The following MYT1 variants were observed in gnomAD, a reference collection of about 807,000 sequenced individuals.
The protein encoded by MYT1 is myelin transcription factor I.
Under a neutral mutation model 123.0 loss-of-function variants are expected in MYT1, and 23 were observed. The ratio of observed to expected loss-of-function variants is 0.19; its 90% CI spans 0.13 to 0.26. The LOEUF (loss-of-function observed/expected upper bound fraction) is 0.26, where lower values mean the gene tolerates loss of function less well. Ranked by LOEUF, MYT1 falls within the 10% of genes least tolerant of loss-of-function variation. MYT1 has a pLI of 1.00. For synonymous variants in MYT1, 518 were observed against 575.3 expected (o/e 0.90, Z 1.43); for missense variants, 1,125 against 1,472.5 (o/e 0.76, Z 3.86).
chr20:64,222,240 G>A (rs1256364515), intron 14 of MYT1, among the ~76,000 whole-genome samples, 193 bp downstream of exon 14: 5 of 152,184 alleles, frequency 3.3e-5, no homozygotes, highest in African/African-American at 9.7e-5. Context: ...TGTTGTGCTG[G>A]GCTTTACTGC....
chr20:64,172,552 T>G (rs1982317654), intron 1 of MYT1, among the ~76,000 whole-genome samples: 1 of 152,060 alleles, frequency 6.6e-6, no homozygotes, highest in Non-Finnish European at 1.5e-5. Context: ...GGCCATTTCC[T>G]TTCTTTTTGG....
Position 64,208,594 on chromosome 20 carries a change from C to T in MYT1, c.1291+107C>T. The stretch of plus-strand genomic sequence containing the variant: ...TCTAGGACAGGGGGCTGGGGGATGG[C>T]AGAAAAGCAGACAAAAGGACAAATA... On this transcript the variant is annotated intron_variant, in intron 7 of 22. Transcript: ENST00000328439. The surrounding 1 kb of genome is among the most constrained non-coding windows in gnomAD (Gnocchi z 5.4). 6.9e-7 allele frequency: 1 copy of T among 1,449,776 alleles called. No individual in the cohort carries two copies. The highest frequency in any genetic ancestry group is 9.1e-7 in the Non-Finnish European group (1 of 1,100,880). The allele number at this position is 1,449,776 out of a possible 1,614,324, so 89.8% of individuals were successfully genotyped here. A position where few individuals can be genotyped will look rare whatever the true frequency, so the allele number is the denominator to read the frequency against.
rs1982976206 is a variant in MYT1 at position 64,191,715 on chromosome 20, T to A, written c.-1+1555T>A. On this transcript the variant is annotated intron_variant, in intron 2 of 22. Coordinates refer to ENST00000328439, the MANE Select transcript of MYT1 (RefSeq NM_004535.3). This position sits in a 1 kb window ranked among gnomAD's most constrained non-coding sequence, Gnocchi z 4.1. ...TGAGCACCTCCGCTCATATTTTGGCTCCCGCAGGATTATCAGTGCTCTGCT... is the reference window on the plus strand; with the variant it reads ...TGAGCACCTCCGCTCATATTTTGGCACCCGCAGGATTATCAGTGCTCTGCT... 1 of 152,182 alleles carries A rather than the reference T, an allele frequency of 6.6e-6. No homozygotes were observed. Among genetic ancestry groups the A allele is most frequent in the African/African-American group, 2.4e-5 (1 of 41,440 alleles). 9.4% of individuals were successfully genotyped at this position (152,182 alleles called of 1,614,324 possible).
chr20:64,199,625 C>T (rs1983232332), intron 3 of MYT1, among the ~76,000 whole-genome samples: 1 of 152,206 alleles, frequency 6.6e-6, no homozygotes, highest in African/African-American at 2.4e-5. Flanking sequence ...ATCTGTCCCA[C>T]TTTGTAAAAC....
chr20:64,229,754 A>T (rs1055251110), intron 18 of MYT1, among the ~76,000 whole-genome samples: 1 of 152,174 alleles, frequency 6.6e-6, no homozygotes, highest in African/African-American at 2.4e-5. Flanking sequence ...CCTTTTTATG[A>T]TATCTCCTGC....
chr20:64,232,060 A>G lies in MYT1; in HGVS notation c.2676-104A>G. 2.5e-6 allele frequency: 3 copies of G among 1,182,132 alleles called. No individual in the cohort carries two copies. The highest frequency in any genetic ancestry group is 3.6e-6 in the Non-Finnish European group (3 of 824,052). 73.2% of individuals were successfully genotyped at this position (1,182,132 alleles called of 1,614,324 possible). ...TCCCTGCCTCACTCAGAAGCCCTTT[A>G]ACGGCTCTGAGTTGGGCTCCCCTTG... On this transcript the variant is annotated intron_variant, in intron 18 of 22. Transcript: ENST00000328439. This position sits in a 1 kb window ranked among gnomAD's most constrained non-coding sequence, Gnocchi z 6.9.
At position 64,182,394 on chromosome 20, in the gene MYT1, T is replaced by C. The variant is rs1420985106; in HGVS notation, c.-98-7669T>C. 4.6e-5 allele frequency among the ~76,000 whole-genome samples: 7 copies of C among 152,246 alleles called. No individual in the cohort carries two copies. The East Asian group carries it at 1.3e-3, about 29-fold the overall frequency. On this transcript the variant is annotated intron_variant, in intron 1 of 22. Transcript: ENST00000328439. Reference sequence around the variant, plus strand: ...CTGCTGGGTTAGCTACCAGGTGGGATTGGCCCTGGCCATCGGCTCAGCTGC... The same window carrying C: ...CTGCTGGGTTAGCTACCAGGTGGGACTGGCCCTGGCCATCGGCTCAGCTGC...
chr20:64,179,819 C>G (rs145150913), intron 1 of MYT1, among the ~76,000 whole-genome samples: 2 of 152,074 alleles, frequency 1.3e-5, no homozygotes, highest in Non-Finnish European at 2.9e-5. Context: ...ATGCTACACA[C>G]AGTTACACAA....
intron 5 of MYT1, 47 bp downstream of exon 5, chr20:64,205,144 G>A (rs768057643): frequency 4.0e-5 from 64 of 1,595,672 alleles, no homozygotes; most frequent in Middle Eastern, 3.3e-4. Context: ...CGGTAGATTT[G>A]GAGCCCCTGC....
chr20:64,171,009 A>C (rs1601696812), intron 1 of MYT1, among the ~76,000 whole-genome samples: 2 of 148,424 alleles, frequency 1.3e-5, no homozygotes, highest in East Asian at 4.0e-4. Flanking sequence ...TCCGGGTTCA[A>C]GCAATTCCGT....
Position 64,208,129 on chromosome 20 carries a change from G to T in MYT1, c.933G>T (p.Val311=). The change falls in exon 7 of 23, where the codon GTG becomes GTT. Residue 311 remains valine, a synonymous_variant. Transcript: ENST00000328439. The surrounding 1 kb of genome is among the most constrained non-coding windows in gnomAD (Gnocchi z 5.4). ...EEEEEEAAPD[V]IFQEDTSHTS... is the part of the protein sequence containing the mutation. ...AGGAGGAGGAGGCAGCTCCTGATGTGATCTTTCAGGAAGACACCTCTCACA... is the reference window on the plus strand; with the variant it reads ...AGGAGGAGGAGGCAGCTCCTGATGTTATCTTTCAGGAAGACACCTCTCACA... The T allele has an allele frequency of 1.2e-6, 2 of 1,612,502 alleles. No individual in the cohort carries two copies. The highest frequency in any genetic ancestry group is 1.1e-5 in the South Asian group (1 of 90,966).
rs115575226 is a variant in MYT1, at chr20:64,196,660, C to A, written c.1-2202C>A. Among the ~76,000 whole-genome samples the A allele has an allele frequency of 3.3e-3, 510 of 152,294 alleles. 3 individuals are homozygous for A. Among genetic ancestry groups the A allele is most frequent in the African/African-American group, 0.011 (477 of 41,546 alleles). On this transcript the variant is annotated intron_variant, in intron 2 of 22. Transcript: ENST00000328439. This position sits in a 1 kb window ranked among gnomAD's most constrained non-coding sequence, Gnocchi z 4.3. ...GAGAACTTCTCGCTTATTGACCAGT[C>A]AATGCAGATAAATTGCAAATGGTAA...
Position 64,212,212 on chromosome 20 carries a change from T to TGGGGGGCCAGGGTGAGGGCCGTGGTG in MYT1, c.1517+79_1517+80insGCCAGGGTGAGGGCCGTGGTGGGGGG. 5.2e-5 allele frequency: 1 copy of TGGGGGGCCAGGGTGAGGGCCGTGGTG among 19,158 alleles called. No homozygotes were observed. The highest frequency in any genetic ancestry group is 4.0e-4 in the South Asian group (1 of 2,530). The allele number at this position is 19,158 out of a possible 1,614,324, so 1.2% of individuals were successfully genotyped here. A position where few individuals can be genotyped will look rare whatever the true frequency, so the allele number is the denominator to read the frequency against. On this transcript the variant is annotated intron_variant, in intron 9 of 22. Coordinates refer to ENST00000328439, the MANE Select transcript of MYT1 (RefSeq NM_004535.3). This position sits in a 1 kb window ranked among gnomAD's most constrained non-coding sequence, Gnocchi z 6.8. Reference sequence around the variant, plus strand: ...GTGGGGGCCAGGGTGGGGGCCGTGGTGGGGGCCAGGGTGGGGGCCGTGGTG... The same window carrying TGGGGGGCCAGGGTGAGGGCCGTGGTG: ...GTGGGGGCCAGGGTGGGGGCCGTGGTGGGGGGCCAGGGTGAGGGCCGTGGTGGGGGGCCAGGGTGGGGGCCGTGGTG...
chr20:64,240,535 G>A lies in MYT1; in HGVS notation c.*87G>A. The A allele has an allele frequency of 6.8e-7, 1 of 1,478,462 alleles. No homozygotes were observed. The highest frequency in any genetic ancestry group is 1.4e-5 in the South Asian group (1 of 72,222). The allele number at this position is 1,478,462 out of a possible 1,614,324, so 91.6% of individuals were successfully genotyped here. A position where few individuals can be genotyped will look rare whatever the true frequency, so the allele number is the denominator to read the frequency against. On this transcript the variant is annotated 3_prime_UTR_variant, in exon 23 of 23. Transcript: ENST00000328439. ...GCACCGTGGGGATGCCCAACTCACAGTGACTTCCCGTTTGGGGCCCGGTGT... is the reference window on the plus strand; with the variant it reads ...GCACCGTGGGGATGCCCAACTCACAATGACTTCCCGTTTGGGGCCCGGTGT...
rs550863705 is a variant in MYT1, at chr20:64,190,450, G to A, written c.-1+290G>A. 2.6e-5 allele frequency among the ~76,000 whole-genome samples: 4 copies of A among 152,296 alleles called. No individual in the cohort carries two copies. Among genetic ancestry groups the A allele is most frequent in the Admixed American group, 1.3e-4 (2 of 15,298 alleles). On this transcript the variant is annotated intron_variant, in intron 2 of 22. Coordinates refer to ENST00000328439, the MANE Select transcript of MYT1 (RefSeq NM_004535.3). This position sits in a 1 kb window ranked among gnomAD's most constrained non-coding sequence, Gnocchi z 4.1. Reference sequence around the variant, plus strand: ...GCACTTTGGGAGGCTGAGGCAGGTGGATCACTTGAGGTCAAGAGTTCAAGA... The same window carrying A: ...GCACTTTGGGAGGCTGAGGCAGGTGAATCACTTGAGGTCAAGAGTTCAAGA...
rs1006626177 is a variant in MYT1, at chr20:64,196,459, G to A, written c.1-2403G>A. Among the ~76,000 whole-genome samples, 9 of 152,246 alleles carry A rather than the reference G, an allele frequency of 5.9e-5. No homozygotes were observed. Among genetic ancestry groups the A allele is most frequent in the Non-Finnish European group, 1.0e-4 (7 of 68,054 alleles). ...AAAGTGATGTAAATCAAGCAGTGCT[G>A]GTTTTGTCCAGATGCTTTCGCGTCA... On this transcript the variant is annotated intron_variant, in intron 2 of 22. Transcript: ENST00000328439. This position sits in a 1 kb window ranked among gnomAD's most constrained non-coding sequence, Gnocchi z 4.3.
chr20:64,195,102 C>T (rs1983071284), intron 2 of MYT1, among the ~76,000 whole-genome samples: 1 of 151,984 alleles, frequency 6.6e-6, no homozygotes, highest in African/African-American at 2.4e-5. Context: ...ACCATGCCTG[C>T]CTCGGCCTCC....
chr20:64,237,260 C>T, intron 20 of MYT1, 27 bp from the exon 21 acceptor site: 2 of 1,597,896 alleles, frequency 1.3e-6, no homozygotes, highest in Non-Finnish European at 1.7e-6. Flanking sequence ...GGCCCAAAGC[C>T]ACAACTGAGG....
At chr20:64,230,866 A>G (rs1022373575) in intron 18 of MYT1, among the ~76,000 whole-genome samples, 1 of 152,206 alleles carries the variant, frequency 6.6e-6, no homozygotes, top group East Asian at 1.9e-4. Context: ...GAGAGAAAGC[A>G]GGGTCCTGGC....
Sources: gnomAD v4.1 joint callset for allele counts (sites outside exome capture counted in the v4.1 genomes callset) on GRCh38, gnomAD v4.1.1 for gene constraint, Gnocchi (gnomAD v3.1) non-coding constraint, MANE v1.5 for transcripts, NCBI Gene and HGNC (gene_info 2026-07-23, HGNC 2026-07-21) for gene names.